Variants in SLC37A2 observed in about 807,000 individuals in gnomAD.
SLC37A2 encodes the protein solute carrier family 37 member 2, also known as glucose-6-phosphate exchanger SLC37A2.
Under a neutral mutation model 70.7 loss-of-function variants are expected in SLC37A2, and 59 were observed. The observed-to-expected ratio is 0.83, with a 90% CI of 0.68 to 1.04. The LOEUF is 1.04. Among genes scored for constraint, SLC37A2 ranks in the 50% least tolerant of loss-of-function variants. The pLI is 0.00. For missense variants in SLC37A2, 580 were observed against 658.1 expected, an observed-to-expected ratio of 0.88 and a Z score of 1.30; for synonymous variants, 257 against 262.1, an observed-to-expected ratio of 0.98 and a Z score of 0.19.
chr11:125,063,444 G>A lies in SLC37A2; in HGVS notation c.59+18G>A. The A allele has an allele frequency of 6.2e-7, 1 of 1,607,328 alleles. No individual in the cohort carries two copies. The highest frequency in any genetic ancestry group is 1.1e-5 in the South Asian group (1 of 89,670). On this transcript the variant is annotated intron_variant, in intron 1 of 17. Coordinates refer to ENST00000403796, the MANE Select transcript of SLC37A2 (RefSeq NM_001145290.2). This position sits in a 1 kb window ranked among gnomAD's most constrained non-coding sequence, Gnocchi z 5.4. Reference sequence around the variant, plus strand: ...GACAGCTGGTGAGCGGGGCAGGGGAGGGAGGCGTGCCGGGACCTCCTGGGC... The same window carrying A: ...GACAGCTGGTGAGCGGGGCAGGGGAAGGAGGCGTGCCGGGACCTCCTGGGC...
At chr11:125,069,260 C>T (rs1373764010) in intron 1 of SLC37A2, among the ~76,000 whole-genome samples, 1 of 152,236 alleles carries the variant, frequency 6.6e-6, no homozygotes, top group Non-Finnish European at 1.5e-5. Context: ...CAGCACCACA[C>T]AGCTGATAAA....
chr11:125,086,103 G>A (rs1421576129), intron 17 of SLC37A2, 85 bp downstream of exon 17: 1 of 1,555,510 alleles, frequency 6.4e-7, no homozygotes, highest in Non-Finnish European at 8.9e-7. Flanking sequence ...CCAAACGCAG[G>A]CTGAGGCTCG....
At chr11:125,071,143 G>C (rs763251149) in intron 1 of SLC37A2, among the ~76,000 whole-genome samples, 10 of 151,982 alleles carry the variant, frequency 6.6e-5, no homozygotes, top group Non-Finnish European at 1.3e-4. Context: ...TGTGTGGGGT[G>C]GGGGGGCGGT....
At chr11:125,073,592 G>T (rs970606716) in intron 1 of SLC37A2, among the ~76,000 whole-genome samples, 5 of 152,216 alleles carry the variant, frequency 3.3e-5, no homozygotes, top group Non-Finnish European at 7.3e-5. Flanking sequence ...GACTGGTTAG[G>T]TGCATCTCAC....
chr11:125,075,402 C>T (rs1949072812), intron 1 of SLC37A2, among the ~76,000 whole-genome samples: 1 of 152,258 alleles, frequency 6.6e-6, no homozygotes, highest in African/African-American at 2.4e-5. Context: ...GTAGCCCCAG[C>T]TTCCCTAGAC....
intron 1 of SLC37A2, among the ~76,000 whole-genome samples, chr11:125,073,003 A>G (rs1193518601): frequency 6.6e-6 from 1 of 152,124 alleles, no homozygotes; most frequent in African/African-American, 2.4e-5. Context: ...CTCAAGACTC[A>G]TGACTCTCCT....
Position 125,085,140 on chromosome 11 carries a change from G to T in SLC37A2, c.1248+1G>T. 6.2e-7 allele frequency: 1 copy of T among 1,613,708 alleles called. No homozygotes were observed. The highest frequency in any genetic ancestry group is 8.5e-7 in the Non-Finnish European group (1 of 1,179,882). ...CACCACTGCTGTCTCTGCTGATCTGGTGAGTGGGGCCACCTCCCGAGGGCC... is the reference window on the plus strand; with the variant it reads ...CACCACTGCTGTCTCTGCTGATCTGTTGAGTGGGGCCACCTCCCGAGGGCC... On this transcript the variant is annotated splice_donor_variant, in intron 14 of 17. Transcript: ENST00000403796. LOFTEE classifies it high-confidence loss of function.
intron 9 of SLC37A2, 85 bp from the exon 10 acceptor site, chr11:125,082,159 G>C (rs971289332): frequency 8.4e-6 from 11 of 1,306,546 alleles, no homozygotes; most frequent in Non-Finnish European, 1.2e-5. Context: ...GAAAGTACTG[G>C]GGTGGTGCTG....
intron 4 of SLC37A2, 137 bp from the exon 5 acceptor site, chr11:125,078,975 C>G: frequency 1.8e-6 from 2 of 1,090,934 alleles, no homozygotes; most frequent in South Asian, 2.9e-5. Context: ...AGGTTGGCCC[C>G]GTCACATGGC....
rs1332589248 is a variant in SLC37A2, at chr11:125,083,799, C to T, written c.977-16C>T. The T allele has an allele frequency of 6.2e-7, 1 of 1,613,318 alleles. No homozygotes were observed. The highest frequency in any genetic ancestry group is 8.5e-7 in the Non-Finnish European group (1 of 1,179,348). ...CCCAAACCCCAGGTCTGACCACATA[C>T]CTGTATTTTCCACAGCTCACTTTAG... On this transcript the variant is annotated splice_polypyrimidine_tract_variant and intron_variant, in intron 10 of 17. Transcript: ENST00000403796. This position sits in a 1 kb window ranked among gnomAD's most constrained non-coding sequence, Gnocchi z 4.6.
rs567683359 is a variant in SLC37A2 at position 125,085,264 on chromosome 11, C to T, written c.1248+125C>T. On this transcript the variant is annotated intron_variant, in intron 14 of 17. Transcript: ENST00000403796. ...GAGAAACCGTCAAAGTCCTTCAGAA[C>T]GCACCATGGGCCCCTCTCCTCTCAA... The T allele has an allele frequency of 9.8e-5, 125 of 1,269,814 alleles. 2 individuals carry two copies. In the East Asian group the frequency reaches 1.6e-3, roughly 16 times the overall value. The allele number at this position is 1,269,814 out of a possible 1,614,324, so 78.7% of individuals were successfully genotyped here. A position where few individuals can be genotyped will look rare whatever the true frequency, so the allele number is the denominator to read the frequency against.
chr11:125,082,600 G>A (rs1040733858), intron 10 of SLC37A2, among the ~76,000 whole-genome samples: 1 of 152,122 alleles, frequency 6.6e-6, no homozygotes, highest in African/African-American at 2.4e-5. Flanking sequence ...GCTCTGTTCT[G>A]CAATTCTTGC....
intron 9 of SLC37A2, 102 bp from the exon 10 acceptor site, chr11:125,082,142 G>A: frequency 8.5e-7 from 1 of 1,175,084 alleles, no homozygotes; most frequent in Non-Finnish European, 1.3e-6. Context: ...TTGTGTGGCA[G>A]GTGATGGAAA....
rs1221388711 is a variant in SLC37A2, at chr11:125,086,248, T to C, written c.1490+230T>C. On this transcript the variant is annotated intron_variant, in intron 17 of 17. Transcript: ENST00000403796. ...CACCAGTGATAGTATTTTCCTCAAG[T>C]CCCATGACTTTTGTGAGTATTTACT... 3.7e-6 allele frequency: 6 copies of C among 1,611,448 alleles called. No homozygotes were observed. In the East Asian group the frequency reaches 8.9e-5, roughly 24 times the overall value.
intron 1 of SLC37A2, among the ~76,000 whole-genome samples, chr11:125,071,119 A>G (rs532271131): frequency 6.6e-6 from 1 of 152,230 alleles, no homozygotes; most frequent in South Asian, 2.1e-4. Flanking sequence ...ACTAACAGAC[A>G]CTAAGTTGGT....
intron 4 of SLC37A2, among the ~76,000 whole-genome samples, chr11:125,078,859 G>T (rs190119657): frequency 2.0e-5 from 3 of 152,138 alleles, no homozygotes; most frequent in Admixed American, 6.5e-5. Flanking sequence ...GCAAAAGACC[G>T]CACCGAGAGG....
chr11:125,079,448 G>T (rs1342587983), intron 5 of SLC37A2, among the ~76,000 whole-genome samples: 3 of 152,158 alleles, frequency 2.0e-5, no homozygotes, highest in Non-Finnish European at 4.4e-5. Context: ...CAACGCTGTG[G>T]TCACTTCCAA....
At chr11:125,067,821 CT>C (rs1467192943) in intron 1 of SLC37A2, among the ~76,000 whole-genome samples, 2 of 152,118 alleles carry the variant, frequency 1.3e-5, no homozygotes, top group Admixed American at 6.5e-5. Flanking sequence ...TCCCTGTTCC[CT>C]TTCTTATTCT....
chr11:125,079,524 G>A (rs573478897), intron 5 of SLC37A2, among the ~76,000 whole-genome samples, 160 bp from the exon 6 acceptor site: 2 of 152,280 alleles, frequency 1.3e-5, no homozygotes, highest in South Asian at 4.1e-4. Flanking sequence ...TGCCATTGAG[G>A]AGGTGTGGCA....
Sources: allele counts gnomAD v4.1 joint callset (sites outside exome capture counted in the v4.1 genomes callset), GRCh38; gene constraint gnomAD v4.1.1; non-coding constraint Gnocchi (gnomAD v3.1); transcripts MANE v1.5; gene names NCBI Gene and HGNC (gene_info 2026-07-23, HGNC 2026-07-21).